The following ZNF202 variants were observed in gnomAD, a reference collection of about 807,000 sequenced individuals.
The protein encoded by ZNF202 is zinc finger protein 202.
ZNF202 carries 22 observed loss-of-function variants against 54.5 expected under a neutral mutation model. The observed-to-expected ratio is 0.40, with a 90% CI of 0.29 to 0.58. The LOEUF is 0.58. Among genes scored for constraint, ZNF202 ranks in the 20% least tolerant of loss-of-function variants. The pLI, the probability that ZNF202 is intolerant of heterozygous loss-of-function variation, is 0.39. For missense variants in ZNF202, 644 were observed against 805.5 expected, an observed-to-expected ratio of 0.80 and a Z score of 2.43; for synonymous variants, 294 against 301.4, an observed-to-expected ratio of 0.98 and a Z score of 0.26.
chr11:123,728,754 A>G (rs976321500), intron 6 of ZNF202, among the ~76,000 whole-genome samples: 2 of 152,060 alleles, frequency 1.3e-5, no homozygotes, highest in Admixed American at 1.3e-4. Flanking sequence ...ATCATGGTGA[A>G]TACTTCCTAA....
At chr11:123,736,275 G>A (rs1270197812) in intron 3 of ZNF202, among the ~76,000 whole-genome samples, 2 of 152,192 alleles carry the variant, frequency 1.3e-5, no homozygotes, top group African/African-American at 2.4e-5. Context: ...GACAAAGTCT[G>A]TAGTCATATA....
chr11:123,738,672 C>T (rs1861733989), intron 3 of ZNF202: 1 of 152,210 alleles, frequency 6.6e-6, no homozygotes, highest in South Asian at 2.1e-4. Flanking sequence ...ACATATATAA[C>T]AGAGCTGACC....
chr11:123,727,057 G>C (rs565170867), intron 8 of ZNF202, 66 bp from the exon 9 acceptor site: 2 of 1,527,348 alleles, frequency 1.3e-6, no homozygotes, highest in African/African-American at 2.8e-5. Flanking sequence ...ACACAATGGG[G>C]AGATTTTTAC....
Position 123,728,204 on chromosome 11 carries a change from A to G in ZNF202, c.761T>C (p.Leu254Pro), listed in dbSNP as rs773770908. The change falls in exon 7 of 9, where the codon CTG becomes CCG. Residue 254 changes from leucine to proline, a missense_variant. Leu to Pro is a moderately conservative substitution (Grantham distance 98). Coordinates refer to ENST00000530393, the MANE Select transcript of ZNF202 (RefSeq NM_003455.4). ...ATAGAACTCTTTCTGTGTTGGGTCCAGATCACTCCACTGGTCCTGGGAAAA... is the reference window on the plus strand; with the variant it reads ...ATAGAACTCTTTCTGTGTTGGGTCCGGATCACTCCACTGGTCCTGGGAAAA... ...VCFSQDQWSD[L>P]DPTQKEFYGE... 5.6e-6 allele frequency: 9 copies of G among 1,613,262 alleles called. No individual in the cohort carries two copies. The highest frequency in any genetic ancestry group is 7.6e-6 in the Non-Finnish European group (9 of 1,179,462).
At chr11:123,735,740 A>T (rs758509431) in intron 3 of ZNF202, among the ~76,000 whole-genome samples, 3 of 152,226 alleles carry the variant, frequency 2.0e-5, no homozygotes, top group African/African-American at 7.2e-5. Context: ...GAGATATGAG[A>T]GCTTTATGAA....
At chr11:123,735,514 G>C (rs1380741181) in intron 3 of ZNF202, among the ~76,000 whole-genome samples, 1 of 152,122 alleles carries the variant, frequency 6.6e-6, no homozygotes, top group African/African-American at 2.4e-5. Flanking sequence ...AGGAATGAAG[G>C]AAGGAGTCTT....
In ZNF202 at chr11:123,726,747, A is replaced by G. The variant is rs1311518998; in HGVS notation, c.1197T>C (p.Cys399=). 3.1e-6 allele frequency: 5 copies of G among 1,614,090 alleles called. No homozygotes were observed. Among genetic ancestry groups the G allele is most frequent in the African/African-American group, 1.3e-5 (1 of 74,928 alleles). Residue 399 remains cysteine, a synonymous_variant, in exon 9 of 9, where the codon TGT becomes TGC. Transcript: ENST00000530393. This position sits in a 1 kb window ranked among gnomAD's most constrained non-coding sequence, Gnocchi z 6.0. ...VHPLLGRHHD[C]SVCGKSFTCN... is the part of the protein sequence containing the mutation. ...AAGTGAAGCTCTTTCCACACACAGA[A>G]CAGTCATGATGCCTCCCTAACAGGG... is the stretch of plus-strand genomic sequence containing the variant.
At chr11:123,732,110 C>T (rs755601149) in intron 3 of ZNF202, among the ~76,000 whole-genome samples, 5 of 152,160 alleles carry the variant, frequency 3.3e-5, no homozygotes, top group Admixed American at 6.5e-5. Flanking sequence ...TTCTTTTTAA[C>T]GGGTCTTGTC....
chr11:123,726,212 C>A lies in ZNF202; in HGVS notation c.1732G>T (p.Ala578Ser). 1.9e-6 allele frequency: 3 copies of A among 1,614,202 alleles called. No individual in the cohort carries two copies. Among genetic ancestry groups the A allele is most frequent in the Non-Finnish European group, 1.7e-6 (2 of 1,180,040 alleles). Residue 578 changes from alanine to serine, a missense_variant, in exon 9 of 9, where the codon GCA (alanine) becomes TCA (serine). Physicochemically the swap from Ala to Ser is moderately conservative, Grantham distance 99 (BLOSUM62 1). Around this residue, in one of 3 missense-constraint regions of ZNF202, gnomAD observed 536 missense variants for 635.3 expected, o/e 0.84. Transcript: ENST00000530393. This position sits in a 1 kb window ranked among gnomAD's most constrained non-coding sequence, Gnocchi z 6.0. The stretch of plus-strand genomic sequence containing the variant: ...CCTCTCAAGTGCTTGGCGAACGCTG[C>A]GCTGTGGGTGAAGCAGCGCCCGCAC... ...SECGRCFTHS[A>S]AFAKHLRGHA...
Position 123,729,189 on chromosome 11 carries a change from G to A in ZNF202, c.639C>T (p.Asp213=), listed in dbSNP as rs11825443. 4.5e-3 allele frequency: 7,286 copies of A among 1,613,784 alleles called. 285 individuals are homozygous for A. In the African/African-American group the frequency reaches 0.085, roughly 19 times the overall value. Residue 213 remains aspartate (D), a synonymous_variant, in exon 6 of 9, where the codon GAC becomes GAT. Transcript: ENST00000530393. ...CTCCAGAGCTCCTCTCTGCAGGAAGGTCTGGGTCCTCGGGCACTGGGACCT... is the reference window on the plus strand; with the variant it reads ...CTCCAGAGCTCCTCTCTGCAGGAAGATCTGGGTCCTCGGGCACTGGGACCT... The part of the protein sequence containing the change: ...ESEVPVPEDP[D]LPAERSSGDS...
chr11:123,726,766 A>G lies in ZNF202; in HGVS notation c.1178T>C (p.Leu393Ser). The change falls in exon 9 of 9, where the codon TTA becomes TCA. Residue 393 changes from leucine to serine, a missense_variant. Transcript: ENST00000530393. This position sits in a 1 kb window ranked among gnomAD's most constrained non-coding sequence, Gnocchi z 6.0. ...LRETTPVHPLLGRHHDCSVCG... is the reference protein window; with the variant it reads ...LRETTPVHPLSGRHHDCSVCG... Reference sequence around the variant, plus strand: ...CACAGAACAGTCATGATGCCTCCCTAACAGGGGGTGGACGGGTGTAGTTTC... The same window carrying G: ...CACAGAACAGTCATGATGCCTCCCTGACAGGGGGTGGACGGGTGTAGTTTC... The G allele has an allele frequency of 6.2e-7, 1 of 1,614,210 alleles. No individual in the cohort carries two copies. The highest frequency in any genetic ancestry group is 8.5e-7 in the Non-Finnish European group (1 of 1,180,038).
chr11:123,731,675 T>C (rs1861412286), intron 3 of ZNF202, among the ~76,000 whole-genome samples: 1 of 152,220 alleles, frequency 6.6e-6, no homozygotes, highest in Non-Finnish European at 1.5e-5. Context: ...TCTCTGTCTA[T>C]AGAAGGGAGA....
intron 7 of ZNF202, among the ~76,000 whole-genome samples, chr11:123,727,892 T>C (rs1333062549): frequency 1.3e-5 from 2 of 152,228 alleles, no homozygotes; most frequent in Non-Finnish European, 1.5e-5. Context: ...TTACTTCAAA[T>C]ATTTCTGCAC....
chr11:123,731,045 A>G lies in ZNF202; in HGVS notation c.-97-60T>C. The G allele has an allele frequency of 5.1e-6, 4 of 791,524 alleles. No homozygotes were observed. The South Asian group carries it at 8.8e-5, about 17-fold the overall frequency. 49.0% of individuals were successfully genotyped at this position (791,524 alleles called of 1,614,324 possible). A position where few individuals can be genotyped will look rare whatever the true frequency, so the allele number is the denominator to read the frequency against. On this transcript the variant is annotated intron_variant, in intron 3 of 8. Transcript: ENST00000530393. ...GCATGAAACTATACACAAGGACAAC[A>G]GCCTGAGTTCAATCATAATCCTCTA... is the stretch of plus-strand genomic sequence containing the variant.
Position 123,726,784 on chromosome 11 carries a change from G to A in ZNF202, c.1160C>T (p.Thr387Ile), listed in dbSNP as rs755553516. The change falls in exon 9 of 9, where the codon ACA becomes ATA. Residue 387 changes from threonine to isoleucine, a missense_variant. Around this residue, in one of 3 missense-constraint regions of ZNF202, gnomAD observed 536 missense variants for 635.3 expected, o/e 0.84. Coordinates refer to ENST00000530393, the MANE Select transcript of ZNF202 (RefSeq NM_003455.4). The surrounding 1 kb of genome is among the most constrained non-coding windows in gnomAD (Gnocchi z 6.0). ...VNSFVNLRET[T>I]PVHPLLGRHH... ...CCTCCCTAACAGGGGGTGGACGGGT[G>A]TAGTTTCCCGAAGGTTCACAAAACT... 4.3e-6 allele frequency: 7 copies of A among 1,614,102 alleles called. No homozygotes were observed. The highest frequency in any genetic ancestry group is 3.3e-5 in the South Asian group (3 of 91,086).
At chr11:123,738,362 A>G (rs1220731126) in intron 3 of ZNF202, among the ~76,000 whole-genome samples, 1 of 152,210 alleles carries the variant, frequency 6.6e-6, no homozygotes, top group Non-Finnish European at 1.5e-5. Context: ...CATCATGGTC[A>G]TGTTGGTTAA....
rs761950239 is a variant in ZNF202 at position 123,726,410 on chromosome 11, T to C, written c.1534A>G (p.Thr512Ala). 3.1e-6 allele frequency: 5 copies of C among 1,614,240 alleles called. No individual in the cohort carries two copies. Among genetic ancestry groups the C allele is most frequent in the Non-Finnish European group, 4.2e-6 (5 of 1,180,044 alleles). Residue 512 changes from threonine to alanine, a missense_variant, in exon 9 of 9, where the codon ACT (threonine) becomes GCT (alanine). Around this residue, in one of 3 missense-constraint regions of ZNF202, gnomAD observed 536 missense variants for 635.3 expected, o/e 0.84. Transcript: ENST00000530393. This position sits in a 1 kb window ranked among gnomAD's most constrained non-coding sequence, Gnocchi z 6.0. ...TGGCTGAAGCTTTTGCCACAAATAG[T>C]ACAAAAGAAGGGTTTTTCTCCAGTA... is the stretch of plus-strand genomic sequence containing the variant. ...THTGEKPFFC[T>A]ICGKSFSQKS...
chr11:123,732,240 G>A (rs1015307504), intron 3 of ZNF202, among the ~76,000 whole-genome samples: 1 of 152,162 alleles, frequency 6.6e-6, no homozygotes, highest in Non-Finnish European at 1.5e-5. Flanking sequence ...ACTATGATCA[G>A]AACGAGCTCT....
chr11:123,725,200 C>G lies in ZNF202; in HGVS notation c.*797G>C, dbSNP rs1454232461. On this transcript the variant is annotated 3_prime_UTR_variant, in exon 9 of 9. Coordinates refer to ENST00000530393, the MANE Select transcript of ZNF202 (RefSeq NM_003455.4). ...GTAGTAGAAGTGCTAGGGATGCAACCAAGAGACTGGTTGAATAACGGGAAG... is the reference window on the plus strand; with the variant it reads ...GTAGTAGAAGTGCTAGGGATGCAACGAAGAGACTGGTTGAATAACGGGAAG... 2.0e-5 allele frequency: 3 copies of G among 152,100 alleles called. No homozygotes were observed. The highest frequency in any genetic ancestry group is 4.4e-5 in the Non-Finnish European group (3 of 68,028). The allele number at this position is 152,100 out of a possible 1,614,324, so 9.4% of individuals were successfully genotyped here. A position where few individuals can be genotyped will look rare whatever the true frequency, so the allele number is the denominator to read the frequency against.
Sources: allele counts gnomAD v4.1 joint callset (sites outside exome capture counted in the v4.1 genomes callset), GRCh38; gene constraint gnomAD v4.1.1; regional missense constraint gnomAD v4.1.1; non-coding constraint Gnocchi (gnomAD v3.1); transcripts MANE v1.5; gene names NCBI Gene and HGNC (gene_info 2026-07-23, HGNC 2026-07-21).